Variants in FER observed in about 807,000 individuals in gnomAD.
The protein encoded by FER is tyrosine-protein kinase Fer.
In FER, 63 loss-of-function variants were observed where a neutral mutation model predicts 111.0. The observed-to-expected ratio is 0.57, with a 90% CI of 0.46 to 0.70. The LOEUF is 0.70. Among genes scored for constraint, FER ranks in the 30% least tolerant of loss-of-function variants. The pLI, the probability that FER is intolerant of heterozygous loss-of-function variation, is 0.00. For synonymous variants in FER, 327 were observed against 313.9 expected (o/e 1.04, Z -0.44); for missense variants, 914 against 954.0 (o/e 0.96, Z 0.55).
chr5:109,044,522 T>C (rs1322634161), intron 14 of FER, among the ~76,000 whole-genome samples, 158 bp from the exon 15 acceptor site: 1 of 151,908 alleles, frequency 6.6e-6, no homozygotes. Flanking sequence ...AGCCATAGAG[T>C]AAAGTTAGAA....
rs1561953844 is a variant in FER at position 109,146,259 on chromosome 5, T to TATATATTATCTATCTA, written c.2049-34482_2049-34481insTATCTATCTAATATAT. ...ATATATATATAATCTATCTAATATA[T>TATATATTATCTATCTA]ATATATATATATATATATATATATA... On this transcript the variant is annotated intron_variant, in intron 17 of 19. Coordinates refer to ENST00000281092, the MANE Select transcript of FER (RefSeq NM_005246.4). Among the ~76,000 whole-genome samples the TATATATTATCTATCTA allele has an allele frequency of 2.2e-4, 17 of 78,808 alleles. 3 individuals are homozygous for TATATATTATCTATCTA. The highest frequency in any genetic ancestry group is 7.0e-4 in the African/African-American group (13 of 18,444). The allele number at this position is 78,808 out of a possible 152,430, so 51.7% of individuals were successfully genotyped here.
At chr5:108,975,220 G>A (rs762979321) in intron 13 of FER, among the ~76,000 whole-genome samples, 3 of 152,078 alleles carry the variant, frequency 2.0e-5, no homozygotes, top group Non-Finnish European at 4.4e-5. Flanking sequence ...CATGGACACC[G>A]GGAGGGGAAC....
At chr5:108,955,036 A>C (rs1758258124) in intron 12 of FER, 104 bp downstream of exon 12, 1 of 933,276 alleles carries the variant, frequency 1.1e-6, no homozygotes, top group Non-Finnish European at 1.5e-6. Flanking sequence ...CAACACTTGA[A>C]ATTTAGCACT....
At chr5:109,037,396 A>C (rs1250134956) in intron 13 of FER, 26 bp from the exon 14 acceptor site, 6 of 1,602,474 alleles carry the variant, frequency 3.7e-6, no homozygotes, top group Non-Finnish European at 5.1e-6. Flanking sequence ...CTTGTACTAA[A>C]CAACTGTTCT....
intron 16 of FER, among the ~76,000 whole-genome samples, chr5:109,096,654 A>G (rs972278): frequency 0.39 from 59,453 of 151,644 alleles, 12,383 homozygotes; most frequent in African/African-American, 0.54. Context: ...TCTCAGTGTT[A>G]TCTAATCTTC....
chr5:109,178,435 A>G (rs1757943363), intron 17 of FER, among the ~76,000 whole-genome samples: 2 of 152,056 alleles, frequency 1.3e-5, no homozygotes, highest in African/African-American at 4.8e-5. Flanking sequence ...AAGTGTATGT[A>G]GCTATAAAAC....
In FER at chr5:108,867,965, CT is replaced by C; in HGVS notation, c.665+20del. On this transcript the variant is annotated intron_variant, in intron 6 of 19. Transcript: ENST00000281092. ...ATAAAAGCACTGTAAGATACATTTT[CT>C]TTTTATCATAAAATCCCTTCACAAA... is the stretch of plus-strand genomic sequence containing the variant. 6.3e-7 allele frequency: 1 copy of C among 1,587,846 alleles called. No homozygotes were observed. Among genetic ancestry groups the C allele is most frequent in the South Asian group, 1.1e-5 (1 of 87,514 alleles).
intron 17 of FER, among the ~76,000 whole-genome samples, chr5:109,161,533 A>G (rs920492516): frequency 2.0e-5 from 3 of 151,888 alleles, no homozygotes; most frequent in Non-Finnish European, 2.9e-5. Flanking sequence ...CTCTTCCTGC[A>G]TTAGTTTGCT....
chr5:108,857,091 A>T (rs1265581601), intron 5 of FER, among the ~76,000 whole-genome samples: 1 of 152,064 alleles, frequency 6.6e-6, no homozygotes, highest in Non-Finnish European at 1.5e-5. Context: ...ATGTTTCCCA[A>T]ATGTTCACAT....
Position 109,065,082 on chromosome 5 carries a change from G to A in FER, c.1924+17884G>A, listed in dbSNP as rs559067230. 3.3e-5 allele frequency among the ~76,000 whole-genome samples: 5 copies of A among 152,136 alleles called. 1 individual carries two copies. Among genetic ancestry groups the A allele is most frequent in the East Asian group, 1.9e-4 (1 of 5,184 alleles). ...AATTGAAATAAAAAACAAATTTTACGTAAAATGGCTTGTTTTTACAAATAG... is the reference window on the plus strand; with the variant it reads ...AATTGAAATAAAAAACAAATTTTACATAAAATGGCTTGTTTTTACAAATAG... On this transcript the variant is annotated intron_variant, in intron 16 of 19. Coordinates refer to ENST00000281092, the MANE Select transcript of FER (RefSeq NM_005246.4).
intron 10 of FER, among the ~76,000 whole-genome samples, chr5:108,900,433 T>A (rs535725027): frequency 6.6e-6 from 1 of 152,242 alleles, no homozygotes; most frequent in East Asian, 1.9e-4. Flanking sequence ...TTATGAATAA[T>A]GTTACAAGAA....
Position 109,187,508 on chromosome 5 carries a change from C to G in FER, c.2402C>G (p.Pro801Arg). The G allele has an allele frequency of 6.2e-7, 1 of 1,614,098 alleles. No individual in the cohort carries two copies. The highest frequency in any genetic ancestry group is 1.1e-5 in the South Asian group (1 of 91,074). The part of the protein sequence containing the change: ...KIMMKCWDYK[P>R]ENRPKFSELQ... ...ATGATGAAGTGTTGGGATTATAAAC[C>G]TGAAAATCGCCCTAAGTTCAGTGAA... is the stretch of plus-strand genomic sequence containing the variant. Residue 801 changes from proline (P) to arginine (R), a missense_variant, in exon 20 of 20, where the codon CCT becomes CGT. Coordinates refer to ENST00000281092, the MANE Select transcript of FER (RefSeq NM_005246.4).
intron 1 of FER, among the ~76,000 whole-genome samples, chr5:108,765,906 G>A (rs1437353667): frequency 6.6e-6 from 1 of 151,954 alleles, no homozygotes; most frequent in Non-Finnish European, 1.5e-5. Context: ...TGTGTTGAAA[G>A]CAGTCAAAAG....
At chr5:109,125,165 A>G (rs1162046888) in intron 17 of FER, among the ~76,000 whole-genome samples, 2 of 152,032 alleles carry the variant, frequency 1.3e-5, no homozygotes, top group Non-Finnish European at 2.9e-5. Context: ...CTAATACCCC[A>G]TGAATTAAAT....
In FER at chr5:108,946,205, G is replaced by T. The variant is rs778714218; in HGVS notation, c.1312G>T (p.Ala438Ser). 7 of 1,611,444 alleles carry T rather than the reference G, an allele frequency of 4.3e-6. No individual in the cohort carries two copies. The East Asian group carries it at 1.3e-4, about 31-fold the overall frequency. ...TGGAATAATTAGGTCTCCAAAATCT[G>T]CACTGGGCTCTTCAGCAGTAAGTAG... ...IAGIIRSPKS[A>S]LGSSALSDMI... is the part of the protein sequence containing the mutation. Residue 438 changes from alanine (A) to serine (S), a missense_variant, in exon 11 of 20, where the codon GCA becomes TCA. Coordinates refer to ENST00000281092, the MANE Select transcript of FER (RefSeq NM_005246.4).
chr5:109,153,624 T>C lies in FER; in HGVS notation c.2049-27123T>C, dbSNP rs1402026973. On this transcript the variant is annotated intron_variant, in intron 17 of 19. Coordinates refer to ENST00000281092, the MANE Select transcript of FER (RefSeq NM_005246.4). ...TATTCACTGCATAACACAGTAGTTA[T>C]CAACATTTATGTATTGCTTTCTATT... is the stretch of plus-strand genomic sequence containing the variant. 3.3e-5 allele frequency among the ~76,000 whole-genome samples: 5 copies of C among 152,044 alleles called. No homozygotes were observed. The South Asian group carries it at 1.0e-3, about 31-fold the overall frequency.
chr5:108,932,440 G>C (rs996049873), intron 10 of FER, among the ~76,000 whole-genome samples: 1 of 152,146 alleles, frequency 6.6e-6, no homozygotes, highest in African/African-American at 2.4e-5. Context: ...ATTTGGGTTG[G>C]TTCCAAGTCT....
chr5:109,027,835 T>G (rs1768975758), intron 13 of FER, among the ~76,000 whole-genome samples: 1 of 152,222 alleles, frequency 6.6e-6, no homozygotes, highest in Non-Finnish European at 1.5e-5. Flanking sequence ...GAGGCAAAAT[T>G]CTAAGATTTA....
intron 5 of FER, among the ~76,000 whole-genome samples, chr5:108,854,307 G>A (rs1328082530): frequency 1.3e-5 from 2 of 152,154 alleles, no homozygotes; most frequent in East Asian, 1.9e-4. Flanking sequence ...GGTCATCACA[G>A]CCTTTTTGAG....
Sources: gnomAD v4.1 joint callset for allele counts (sites outside exome capture counted in the v4.1 genomes callset) on GRCh38, gnomAD v4.1.1 for gene constraint, MANE v1.5 for transcripts, NCBI Gene and HGNC (gene_info 2026-07-23, HGNC 2026-07-21) for gene names.